GPC5: variants seen among roughly 807,000 people sequenced by gnomAD.
GPC5 encodes the protein glypican 5.
GPC5 carries 47 observed loss-of-function variants against 53.9 expected under a neutral mutation model. That is an observed-to-expected ratio of 0.87 (90% CI 0.69 to 1.11). The LOEUF (loss-of-function observed/expected upper bound fraction) is 1.11, where lower values mean the gene tolerates loss of function less well. GPC5 is among the 50% of genes most tolerant of loss of function. The probability of loss-of-function intolerance (pLI) is 0.00; values close to 1 mark genes in which losing one functional copy is unlikely to be tolerated. For synonymous variants in GPC5, 286 were observed against 263.3 expected (o/e 1.09, Z -0.84); for missense variants, 748 against 713.1 (o/e 1.05, Z -0.56).
At chr13:91,747,156 A>C (rs989651684) in intron 4 of GPC5, among the ~76,000 whole-genome samples, 1 of 152,242 alleles carries the variant, frequency 6.6e-6, no homozygotes, top group Non-Finnish European at 1.5e-5. Context: ...TATTACTTTT[A>C]TAATTAAACA....
chr13:91,838,865 T>C (rs886242930), intron 5 of GPC5, among the ~76,000 whole-genome samples: 13 of 152,170 alleles, frequency 8.5e-5, no homozygotes, highest in African/African-American at 2.9e-4. Flanking sequence ...TACTAGTGTA[T>C]GTTTCATTTT....
At chr13:91,484,662 A>T (rs1272085597) in intron 2 of GPC5, among the ~76,000 whole-genome samples, 1 of 152,186 alleles carries the variant, frequency 6.6e-6, no homozygotes. Context: ...TGTGGCAAAG[A>T]AGTGACATTT....
chr13:92,193,830 A>G (rs1169611326), intron 7 of GPC5, among the ~76,000 whole-genome samples: 1 of 151,474 alleles, frequency 6.6e-6, no homozygotes, highest in Non-Finnish European at 1.5e-5. Context: ...AAGATTAACC[A>G]CTCCATTCTT....
In GPC5 at chr13:92,024,298, G is replaced by A. The variant is rs1294219155; in HGVS notation, c.1401+116241G>A. ...TTTTAAACACTGTATTGGCACTGCT[G>A]TTCTGTTTGGATCCAGAAATCCATT... is the stretch of plus-strand genomic sequence containing the variant. On this transcript the variant is annotated intron_variant, in intron 6 of 7. Transcript: ENST00000377067. Among the ~76,000 whole-genome samples, 5 of 152,184 alleles carry A rather than the reference G, an allele frequency of 3.3e-5. No individual in the cohort carries two copies. In the East Asian group the frequency reaches 9.6e-4, roughly 29 times the overall value.
At position 91,532,164 on chromosome 13, in the gene GPC5, A is replaced by G. The variant is rs374504029; in HGVS notation, c.325+83242A>G. Among the ~76,000 whole-genome samples the G allele has an allele frequency of 3.3e-5, 5 of 152,324 alleles. No homozygotes were observed. The East Asian group carries it at 7.7e-4, about 23-fold the overall frequency. ...ATGAAGAGTTTAATATGATTTTGAC[A>G]AAAATCCTGAATATTCATTTTATAT... On this transcript the variant is annotated intron_variant, in intron 2 of 7. Coordinates refer to ENST00000377067, the MANE Select transcript of GPC5 (RefSeq NM_004466.6).
intron 7 of GPC5, among the ~76,000 whole-genome samples, chr13:92,825,860 G>A (rs1431470646): frequency 6.6e-6 from 1 of 152,010 alleles, no homozygotes; most frequent in Non-Finnish European, 1.5e-5. Flanking sequence ...TTTACTCAAT[G>A]CTGTGTTTTT....
intron 2 of GPC5, among the ~76,000 whole-genome samples, chr13:91,599,113 A>C (rs2033093167): frequency 6.6e-6 from 1 of 152,014 alleles, no homozygotes; most frequent in African/African-American, 2.4e-5. Flanking sequence ...GTGGCCTGAG[A>C]TTTTAGTGTA....
intron 3 of GPC5, among the ~76,000 whole-genome samples, chr13:91,708,840 A>G (rs1304882356): frequency 2.6e-5 from 4 of 152,200 alleles, no homozygotes; most frequent in African/African-American, 9.7e-5. Context: ...GGAGACTCAG[A>G]GGAATAATGT....
intron 6 of GPC5, among the ~76,000 whole-genome samples, chr13:91,983,985 C>T (rs1208001255): frequency 1.3e-5 from 2 of 152,188 alleles, no homozygotes; most frequent in Non-Finnish European, 2.9e-5. Context: ...TCAGCACTCA[C>T]TGCTTGGATG....
At position 92,513,595 on chromosome 13, in the gene GPC5, G is replaced by A. The variant is rs370554584; in HGVS notation, c.1562-352687G>A. 4.3e-5 allele frequency among the ~76,000 whole-genome samples: 6 copies of A among 138,438 alleles called. No individual in the cohort carries two copies. In the East Asian group the frequency reaches 6.3e-4, roughly 14 times the overall value. 90.8% of individuals were successfully genotyped at this position (138,438 alleles called of 152,430 possible). A position where few individuals can be genotyped will look rare whatever the true frequency, so the allele number is the denominator to read the frequency against. ...TTCCTTTTTTCTTTCCTTTCCTTTC[G>A]ACTTCAGGCTAAGAGAATTTCAATA... On this transcript the variant is annotated intron_variant, in intron 7 of 7. Transcript: ENST00000377067.
At chr13:92,632,244 AT>A (rs972541456) in intron 7 of GPC5, among the ~76,000 whole-genome samples, 2 of 152,114 alleles carry the variant, frequency 1.3e-5, no homozygotes, top group African/African-American at 4.8e-5. Flanking sequence ...CTGAATTCTA[AT>A]TATATATTTG....
intron 7 of GPC5, among the ~76,000 whole-genome samples, chr13:92,488,812 T>G (rs1335344675): frequency 6.6e-6 from 1 of 152,218 alleles, no homozygotes; most frequent in Non-Finnish European, 1.5e-5. Flanking sequence ...TTAATTCTAC[T>G]TGTGAAACTG....
intron 7 of GPC5, among the ~76,000 whole-genome samples, chr13:92,418,040 TAAAA>T (rs372839417): frequency 1.3e-5 from 2 of 152,200 alleles, no homozygotes; most frequent in African/African-American, 4.8e-5. Context: ...TATGCTAAGT[TAAAA>T]AGACAGAAAA....
intron 7 of GPC5, among the ~76,000 whole-genome samples, chr13:92,177,321 T>C (rs1382900854): frequency 6.6e-6 from 1 of 152,234 alleles, no homozygotes; most frequent in African/African-American, 2.4e-5. Flanking sequence ...TCACTGTTAA[T>C]GTAATGACAA....
At chr13:92,515,756 T>C (rs553865958) in intron 7 of GPC5, among the ~76,000 whole-genome samples, 1 of 152,306 alleles carries the variant, frequency 6.6e-6, no homozygotes, top group South Asian at 2.1e-4. Context: ...AAGACAATTA[T>C]TGGTTTTTTG....
chr13:92,664,833 C>G (rs1187848250), intron 7 of GPC5, among the ~76,000 whole-genome samples: 2 of 151,944 alleles, frequency 1.3e-5, no homozygotes, highest in East Asian at 1.9e-4. Context: ...ATAATTTACA[C>G]TAAGAATCAA....
chr13:91,525,819 C>T (rs1886059576), intron 2 of GPC5, among the ~76,000 whole-genome samples: 1 of 152,076 alleles, frequency 6.6e-6, no homozygotes, highest in Non-Finnish European at 1.5e-5. Context: ...AATTGGGCTT[C>T]CAGTCAGTGA....
intron 2 of GPC5, among the ~76,000 whole-genome samples, chr13:91,567,194 C>T (rs2031572796): frequency 6.6e-6 from 1 of 151,954 alleles, no homozygotes; most frequent in Non-Finnish European, 1.5e-5. Context: ...TTTAAAGGAA[C>T]CTGGAGATTT....
chr13:91,973,098 G>A (rs1167325053), intron 6 of GPC5, among the ~76,000 whole-genome samples: 1 of 152,138 alleles, frequency 6.6e-6, no homozygotes, highest in Non-Finnish European at 1.5e-5. Flanking sequence ...TCACTTTCAG[G>A]TACACCAATC....
Sources: gnomAD v4.1 joint callset for allele counts (sites outside exome capture counted in the v4.1 genomes callset) on GRCh38, gnomAD v4.1.1 for gene constraint, MANE v1.5 for transcripts, NCBI Gene and HGNC (gene_info 2026-07-23, HGNC 2026-07-21) for gene names.